Variants in PRKCA observed in about 807,000 individuals in gnomAD.
PRKCA encodes protein kinase C alpha.
PRKCA carries 27 observed loss-of-function variants against 87.0 expected under a neutral mutation model. The observed-to-expected ratio is 0.31, with a 90% confidence interval of 0.23 to 0.43. The LOEUF is 0.43. Among genes scored for constraint, PRKCA ranks in the 20% least tolerant of loss-of-function variants. PRKCA has a pLI of 1.00. For missense variants in PRKCA, 518 were observed against 852.3 expected, an observed-to-expected ratio of 0.61 and a Z score of 4.88; for synonymous variants, 329 against 311.1, an observed-to-expected ratio of 1.06 and a Z score of -0.61.
At chr17:66,554,932 A>G (rs1282632101) in intron 3 of PRKCA, among the ~76,000 whole-genome samples, 4 of 143,830 alleles carry the variant, frequency 2.8e-5, no homozygotes, top group African/African-American at 1.1e-4. Flanking sequence ...CAGGCTGGAG[A>G]GCAGTGGCAC....
chr17:66,781,866 G>GATATATATATAT, intron 14 of PRKCA, among the ~76,000 whole-genome samples: 1 of 132,852 alleles, frequency 7.5e-6, no homozygotes, highest in Admixed American at 7.3e-5. Flanking sequence ...GAGAGAGAGA[G>GATATATATATAT]AGATATATAT....
At chr17:66,668,058 T>C (rs933838547) in intron 5 of PRKCA, among the ~76,000 whole-genome samples, 6 of 152,226 alleles carry the variant, frequency 3.9e-5, no homozygotes, top group Non-Finnish European at 8.8e-5. Context: ...CTGGCCATAC[T>C]GGATGCATGA....
Position 66,795,426 on chromosome 17 carries a change from C to T in PRKCA, c.1854+6447C>T, listed in dbSNP as rs141323660. The stretch of plus-strand genomic sequence containing the variant: ...ACAAACACTAACCAGCCATTGGAGA[C>T]TACAGAAGTCACATCATGCTGTATC... On this transcript the variant is annotated intron_variant, in intron 16 of 16. Coordinates refer to ENST00000413366, the MANE Select transcript of PRKCA (RefSeq NM_002737.3). 1.4e-3 allele frequency among the ~76,000 whole-genome samples: 206 copies of T among 152,340 alleles called. 1 individual carries two copies. Among genetic ancestry groups the T allele is most frequent in the African/African-American group, 4.8e-3 (200 of 41,576 alleles).
At chr17:66,421,758 G>T (rs1432106728) in intron 2 of PRKCA, among the ~76,000 whole-genome samples, 1 of 145,466 alleles carries the variant, frequency 6.9e-6, no homozygotes, top group Non-Finnish European at 1.5e-5. Flanking sequence ...GGCCAGGCTT[G>T]TCTCCAACTC....
chr17:66,479,959 C>T (rs538289605), intron 2 of PRKCA, among the ~76,000 whole-genome samples: 1 of 149,036 alleles, frequency 6.7e-6, no homozygotes, highest in South Asian at 2.1e-4. Context: ...CCCCATGACA[C>T]AAGTTTACCC....
At chr17:66,726,144 G>T (rs1344904682) in intron 8 of PRKCA, among the ~76,000 whole-genome samples, 2 of 133,032 alleles carry the variant, frequency 1.5e-5, no homozygotes, top group Admixed American at 7.6e-5. Flanking sequence ...GAAAGCTCAG[G>T]TGTTTGCAGG....
intron 2 of PRKCA, among the ~76,000 whole-genome samples, chr17:66,373,839 T>G (rs925014238): frequency 6.6e-6 from 1 of 152,178 alleles, no homozygotes; most frequent in Non-Finnish European, 1.5e-5. Flanking sequence ...TATTCAAGGC[T>G]TGGATGTAGG....
chr17:66,565,475 G>A (rs1968860495), intron 3 of PRKCA, among the ~76,000 whole-genome samples: 1 of 152,198 alleles, frequency 6.6e-6, no homozygotes, highest in Non-Finnish European at 1.5e-5. Context: ...CTGGCTAAAA[G>A]CCTGAAAGCA....
chr17:66,529,328 C>T (rs866077419), intron 3 of PRKCA, among the ~76,000 whole-genome samples: 1 of 152,196 alleles, frequency 6.6e-6, no homozygotes, highest in East Asian at 1.9e-4. Context: ...CTCACTTCCA[C>T]CAGCAGCTGA....
chr17:66,619,591 A>G (rs1198679881), intron 3 of PRKCA, among the ~76,000 whole-genome samples: 3 of 152,224 alleles, frequency 2.0e-5, no homozygotes, highest in Non-Finnish European at 4.4e-5. Flanking sequence ...TCAAATGAAT[A>G]TCATTATCTC....
At chr17:66,329,944 AG>A (rs1906225003) in intron 2 of PRKCA, among the ~76,000 whole-genome samples, 1 of 152,168 alleles carries the variant, frequency 6.6e-6, no homozygotes, top group Non-Finnish European at 1.5e-5. Flanking sequence ...CTCTTTAGAA[AG>A]AAACTGATAA....
intron 2 of PRKCA, among the ~76,000 whole-genome samples, chr17:66,334,422 T>C (rs1459436417): frequency 6.6e-6 from 1 of 152,212 alleles, no homozygotes; most frequent in East Asian, 1.9e-4. Flanking sequence ...TTTAGGTCTT[T>C]TGTTAAGAAT....
intron 3 of PRKCA, among the ~76,000 whole-genome samples, chr17:66,591,153 T>G (rs1210386606): frequency 6.6e-6 from 1 of 152,110 alleles, no homozygotes; most frequent in African/African-American, 2.4e-5. Context: ...TTTACAACTT[T>G]TTGTTGTTGT....
intron 3 of PRKCA, among the ~76,000 whole-genome samples, chr17:66,560,769 A>G (rs966194736): frequency 5.9e-5 from 9 of 152,182 alleles, no homozygotes; most frequent in Admixed American, 3.3e-4. Context: ...CAGCGCCACC[A>G]CTGGCATTTT....
chr17:66,319,672 T>C (rs1031036579), intron 2 of PRKCA, among the ~76,000 whole-genome samples: 101 of 152,196 alleles, frequency 6.6e-4, no homozygotes, highest in African/African-American at 2.1e-3. Context: ...CATTGGGTTT[T>C]AATATTACTA....
chr17:66,423,827 C>T, intron 2 of PRKCA, among the ~76,000 whole-genome samples: 1 of 152,084 alleles, frequency 6.6e-6, no homozygotes, highest in East Asian at 1.9e-4. Context: ...TTTAAGAATT[C>T]AATCTTTTAA....
intron 10 of PRKCA, among the ~76,000 whole-genome samples, chr17:66,736,202 A>C (rs1295521337): frequency 6.6e-6 from 1 of 150,652 alleles, no homozygotes; most frequent in Non-Finnish European, 1.5e-5. Flanking sequence ...AAACATTTCC[A>C]TGAAAGGTTT....
chr17:66,587,857 A>T (rs1969659636), intron 3 of PRKCA, among the ~76,000 whole-genome samples: 1 of 119,212 alleles, frequency 8.4e-6, no homozygotes, highest in African/African-American at 3.2e-5. Flanking sequence ...ACATATACAT[A>T]TATACATATG....
intron 2 of PRKCA, among the ~76,000 whole-genome samples, chr17:66,419,995 TTG>T (rs1912391261): frequency 6.7e-6 from 1 of 149,986 alleles, no homozygotes; most frequent in African/African-American, 2.5e-5. Flanking sequence ...CCATTCTGGG[TTG>T]TGTTCTTTTT....
Sources: gnomAD v4.1 joint callset for allele counts (sites outside exome capture counted in the v4.1 genomes callset) on GRCh38, gnomAD v4.1.1 for gene constraint, MANE v1.5 for transcripts, NCBI Gene and HGNC (gene_info 2026-07-23, HGNC 2026-07-21) for gene names.